The following GXYLT2 variants were observed in gnomAD, a reference collection of about 807,000 sequenced individuals.
GXYLT2 encodes the protein glycosyltransferase 8 domain containing 4.
GXYLT2 carries 53 observed loss-of-function variants against 45.8 expected under a neutral mutation model. The observed-to-expected ratio is 1.16, with a 90% CI of 0.93 to 1.46. The LOEUF (loss-of-function observed/expected upper bound fraction) is 1.46. GXYLT2 is among the 40% of genes most tolerant of loss of function. The probability of loss-of-function intolerance (pLI) is 0.00; values close to 1 mark genes in which losing one functional copy is unlikely to be tolerated. For missense variants in GXYLT2, 551 were observed against 544.4 expected (o/e 1.01, Z -0.12); for synonymous variants, 219 against 214.2 (o/e 1.02, Z -0.19).
intron 5 of GXYLT2, among the ~76,000 whole-genome samples, chr3:72,962,503 G>A (rs1710788501): frequency 6.6e-6 from 1 of 152,194 alleles, no homozygotes; most frequent in Non-Finnish European, 1.5e-5. Context: ...TGAGAGAAAA[G>A]AGAAGTTCAG....
intron 2 of GXYLT2, among the ~76,000 whole-genome samples, chr3:72,912,796 TC>T (rs1709658152): frequency 6.6e-6 from 1 of 152,148 alleles, no homozygotes; most frequent in African/African-American, 2.4e-5. Context: ...AGTCAACCTG[TC>T]CCCTCCTCTG....
chr3:72,914,326 G>A (rs1392019969), intron 2 of GXYLT2, among the ~76,000 whole-genome samples: 1 of 152,062 alleles, frequency 6.6e-6, no homozygotes, highest in Non-Finnish European at 1.5e-5. Flanking sequence ...AGAAGTGGGA[G>A]ATGCCAGCCA....
chr3:72,898,851 C>T (rs1183242391), intron 1 of GXYLT2, among the ~76,000 whole-genome samples: 1 of 152,060 alleles, frequency 6.6e-6, no homozygotes, highest in Non-Finnish European at 1.5e-5. Flanking sequence ...CCTGCCTAAG[C>T]CTCCTGAGGA....
At chr3:72,927,425 A>T (rs961895123) in intron 3 of GXYLT2, among the ~76,000 whole-genome samples, 8 of 152,174 alleles carry the variant, frequency 5.3e-5, no homozygotes, top group Admixed American at 4.6e-4. Flanking sequence ...TGTTAAAGAG[A>T]CCGGTAACTG....
intron 3 of GXYLT2, among the ~76,000 whole-genome samples, chr3:72,944,236 T>A (rs1385618129): frequency 6.7e-6 from 1 of 149,580 alleles, no homozygotes; most frequent in East Asian, 2.0e-4. Context: ...CACAGGCACA[T>A]GTCACCACAC....
At chr3:72,924,293 A>C (rs990771149) in intron 3 of GXYLT2, among the ~76,000 whole-genome samples, 6 of 151,510 alleles carry the variant, frequency 4.0e-5, no homozygotes, top group African/African-American at 1.2e-4. Context: ...TCCTGGGCTT[A>C]AGTGATCCTC....
Position 72,888,396 on chromosome 3 carries a change from C to G in GXYLT2, c.163C>G (p.Pro55Ala). Residue 55 changes from proline to alanine, a missense_variant, in exon 1 of 7, where the codon CCG (proline) becomes GCG (alanine). By Grantham distance (27) the Pro-to-Ala change is conservative. Coordinates refer to ENST00000389617, the MANE Select transcript of GXYLT2 (RefSeq NM_001080393.2). ...RHPAPVPARW[P>A]GPGALPGASP... ...CCCCGCGCCTGTCCCCGCGCGCTGGCCGGGGCCGGGCGCCCTCCCCGGGGC... is the reference window on the plus strand; with the variant it reads ...CCCCGCGCCTGTCCCCGCGCGCTGGGCGGGGCCGGGCGCCCTCCCCGGGGC... 1 of 998,160 alleles carries G rather than the reference C, an allele frequency of 1.0e-6. No homozygotes were observed. Among genetic ancestry groups the G allele is most frequent in the Non-Finnish European group, 1.2e-6 (1 of 840,164 alleles). The allele number at this position is 998,160 out of a possible 1,614,324, so 61.8% of individuals were successfully genotyped here.
At chr3:72,940,659 G>A (rs1386312116) in intron 3 of GXYLT2, among the ~76,000 whole-genome samples, 1 of 152,122 alleles carries the variant, frequency 6.6e-6, no homozygotes, top group African/African-American at 2.4e-5. Context: ...TGTGTATTGT[G>A]GAATTCAGAC....
At chr3:72,908,186 G>A in intron 1 of GXYLT2, 181 bp from the exon 2 acceptor site, 1 of 569,626 alleles carries the variant, frequency 1.8e-6, no homozygotes, top group Non-Finnish European at 3.1e-6. Context: ...GGATAAATAT[G>A]GGAATAAATG....
intron 4 of GXYLT2, 90 bp downstream of exon 4, chr3:72,955,439 G>A: frequency 7.6e-7 from 1 of 1,318,974 alleles, no homozygotes; most frequent in South Asian, 1.3e-5. Context: ...TGCTGATTTT[G>A]GAAATTGGGT....
intron 1 of GXYLT2, among the ~76,000 whole-genome samples, chr3:72,899,775 C>T (rs1218675770): frequency 6.6e-6 from 1 of 152,168 alleles, no homozygotes; most frequent in Non-Finnish European, 1.5e-5. Context: ...ATAGCAAAAA[C>T]GGTTTCATCT....
rs1710887697 is a variant in GXYLT2, at chr3:72,967,465, T to C, written c.977-82T>C. The C allele has an allele frequency of 4.8e-6, 5 of 1,038,794 alleles. No homozygotes were observed. In the South Asian group the frequency reaches 7.5e-5, roughly 15 times the overall value. 64.3% of individuals were successfully genotyped at this position (1,038,794 alleles called of 1,614,324 possible). On this transcript the variant is annotated intron_variant, in intron 5 of 6. Coordinates refer to ENST00000389617, the MANE Select transcript of GXYLT2 (RefSeq NM_001080393.2). The stretch of plus-strand genomic sequence containing the variant: ...GAAATTACATGCTGTGTACAGTTAG[T>C]GGAAACAGTTTAATCGTGCCACATG...
In GXYLT2 at chr3:72,908,570, A is replaced by C. The variant is rs1372640679; in HGVS notation, c.468+11A>C. 1 of 1,592,168 alleles carries C rather than the reference A, an allele frequency of 6.3e-7. No homozygotes were observed. On this transcript the variant is annotated intron_variant, in intron 2 of 6. Coordinates refer to ENST00000389617, the MANE Select transcript of GXYLT2 (RefSeq NM_001080393.2). ...GAGTTTGATAAGCAGGTGAATTTGCAGAAATCATGGCACAGTGTTTACTAA... is the reference window on the plus strand; with the variant it reads ...GAGTTTGATAAGCAGGTGAATTTGCCGAAATCATGGCACAGTGTTTACTAA...
At chr3:72,905,606 G>A (rs1709495540) in intron 1 of GXYLT2, among the ~76,000 whole-genome samples, 1 of 152,194 alleles carries the variant, frequency 6.6e-6, no homozygotes, top group South Asian at 2.1e-4. Flanking sequence ...CATAGGTCTT[G>A]TGCAAATGTG....
chr3:72,905,160 C>G (rs1026513781), intron 1 of GXYLT2, among the ~76,000 whole-genome samples: 1 of 151,928 alleles, frequency 6.6e-6, no homozygotes, highest in African/African-American at 2.4e-5. Context: ...CACTCTCACC[C>G]AGGCTGGAGT....
At chr3:72,967,777 C>A (rs1180703436) in intron 6 of GXYLT2, 58 bp downstream of exon 6, 2 of 1,476,118 alleles carry the variant, frequency 1.4e-6, no homozygotes, top group Admixed American at 1.8e-5. Context: ...GCAATATTGG[C>A]GCTTTAGTCA....
chr3:72,923,613 C>G (rs943754659), intron 3 of GXYLT2, among the ~76,000 whole-genome samples: 4 of 152,140 alleles, frequency 2.6e-5, no homozygotes, highest in Non-Finnish European at 2.9e-5. Flanking sequence ...TGGGCCCTGG[C>G]TCAGTGATGA....
At chr3:72,899,902 C>T (rs951315455) in intron 1 of GXYLT2, among the ~76,000 whole-genome samples, 1 of 152,100 alleles carries the variant, frequency 6.6e-6, no homozygotes, top group Admixed American at 6.5e-5. Context: ...TTTCTGTTTC[C>T]TTCTGTAAGT....
At chr3:72,921,238 G>A (rs1173853096) in intron 2 of GXYLT2, among the ~76,000 whole-genome samples, 1 of 151,708 alleles carries the variant, frequency 6.6e-6, no homozygotes, top group Admixed American at 6.6e-5. Context: ...CCAACTATAT[G>A]TTATAACTGT....
Sources: gnomAD v4.1 joint callset for allele counts (sites outside exome capture counted in the v4.1 genomes callset) on GRCh38, gnomAD v4.1.1 for gene constraint, MANE v1.5 for transcripts, NCBI Gene and HGNC (gene_info 2026-07-23, HGNC 2026-07-21) for gene names.